The following PCDH15 variants were observed in gnomAD, a reference collection of about 807,000 sequenced individuals.
PCDH15 encodes the protein protocadherin related 15.
Under a neutral mutation model 178.5 loss-of-function variants are expected in PCDH15, and 129 were observed. The ratio of observed to expected loss-of-function variants is 0.72; its 90% confidence interval spans 0.63 to 0.84. The LOEUF (loss-of-function observed/expected upper bound fraction) is 0.84. Among genes scored for constraint, PCDH15 ranks in the 40% least tolerant of loss-of-function variants. The pLI is 0.00. For synonymous variants in PCDH15, 800 were observed against 732.0 expected (o/e 1.09, Z -1.50); for missense variants, 2,230 against 2,099.9 (o/e 1.06, Z -1.21).
At chr10:54,204,900 G>A (rs1330716672) in intron 10 of PCDH15, among the ~76,000 whole-genome samples, 1 of 152,112 alleles carries the variant, frequency 6.6e-6, no homozygotes, top group Non-Finnish European at 1.5e-5. Flanking sequence ...CTTCTTATCT[G>A]CTGCCTTAAA....
intron 1 of PCDH15, among the ~76,000 whole-genome samples, chr10:55,270,108 C>T (rs985509843): frequency 9.9e-5 from 15 of 152,040 alleles, no homozygotes; most frequent in Admixed American, 7.9e-4. Context: ...TGACCCCTTA[C>T]CTTTTACCAT....
intron 2 of PCDH15, among the ~76,000 whole-genome samples, chr10:54,594,925 G>A (rs2133984155): frequency 6.6e-6 from 1 of 152,196 alleles, no homozygotes; most frequent in Middle Eastern, 3.4e-3. Flanking sequence ...ATCCCTGAGA[G>A]GTCACTGCTG....
intron 3 of PCDH15, among the ~76,000 whole-genome samples, chr10:54,838,956 G>A (rs897164074): frequency 3.3e-5 from 5 of 152,066 alleles, no homozygotes; most frequent in Non-Finnish European, 7.4e-5. Context: ...CTACACAGAG[G>A]CCCTGTGACT....
intron 2 of PCDH15, among the ~76,000 whole-genome samples, chr10:55,159,384 TATATAC>T (rs1564849038): frequency 7.9e-3 from 59 of 7,448 alleles, no homozygotes; most frequent in Non-Finnish European, 0.026. Flanking sequence ...TATATATATA[TATATAC>T]ACACATACAC....
At chr10:55,527,609 T>C (rs1841329425) in intron 2 of PCDH15, among the ~76,000 whole-genome samples, 1 of 151,918 alleles carries the variant, frequency 6.6e-6, no homozygotes, top group South Asian at 2.1e-4. Flanking sequence ...AATAATAATA[T>C]GAAAGTATGA....
chr10:55,492,216 AG>A (rs1192847719), intron 2 of PCDH15, among the ~76,000 whole-genome samples: 1 of 151,756 alleles, frequency 6.6e-6, no homozygotes, highest in Non-Finnish European at 1.5e-5. Context: ...TTGACCATAC[AG>A]CAAAAAAAAA....
At chr10:55,496,681 T>C (rs961963996) in intron 2 of PCDH15, among the ~76,000 whole-genome samples, 5 of 151,806 alleles carry the variant, frequency 3.3e-5, no homozygotes, top group Admixed American at 6.6e-5. Flanking sequence ...TAGGAAAATA[T>C]AGACAGAAGT....
intron 23 of PCDH15, among the ~76,000 whole-genome samples, chr10:53,948,492 T>C (rs374940229): frequency 9.0e-4 from 137 of 152,298 alleles, no homozygotes; most frequent in African/African-American, 3.2e-3. Flanking sequence ...CATTACTTAA[T>C]GGCATAAAAT....
intron 3 of PCDH15, among the ~76,000 whole-genome samples, chr10:54,859,622 C>T (rs1467074684): frequency 6.6e-6 from 1 of 151,866 alleles, no homozygotes; most frequent in Admixed American, 6.6e-5. Flanking sequence ...TATAGAGAAA[C>T]CAACATTTAT....
At chr10:55,251,393 C>T (rs751830046) in intron 1 of PCDH15, among the ~76,000 whole-genome samples, 10 of 152,074 alleles carry the variant, frequency 6.6e-5, no homozygotes, top group Admixed American at 2.0e-4. Flanking sequence ...CCATGTCAAA[C>T]AGTAATCTGG....
intron 3 of PCDH15, among the ~76,000 whole-genome samples, chr10:54,525,020 GCAC>G (rs1227641834): frequency 6.6e-6 from 1 of 152,084 alleles, no homozygotes; most frequent in Non-Finnish European, 1.5e-5. Flanking sequence ...ATGTATAAAT[GCAC>G]TTGACATATA....
At chr10:54,638,707 T>G (rs933470138) in intron 2 of PCDH15, among the ~76,000 whole-genome samples, 89 of 152,080 alleles carry the variant, frequency 5.9e-4, no homozygotes, top group African/African-American at 2.1e-3. Context: ...GAAAAAGAAA[T>G]CATTATATAA....
intron 27 of PCDH15, among the ~76,000 whole-genome samples, chr10:53,864,709 G>T (rs2079328305): frequency 6.6e-6 from 1 of 151,978 alleles, no homozygotes; most frequent in South Asian, 2.1e-4. Flanking sequence ...CCTGCTTTCC[G>T]AGGTTGCAGT....
At position 54,371,607 on chromosome 10, in the gene PCDH15, GCTTCT is replaced by G. The variant is rs541847812; in HGVS notation, c.319-2337_319-2333del. 5.3e-5 allele frequency among the ~76,000 whole-genome samples: 8 copies of G among 151,804 alleles called. No homozygotes were observed. In the South Asian group the frequency reaches 1.2e-3, roughly 24 times the overall value. On this transcript the variant is annotated intron_variant, in intron 4 of 37. Coordinates refer to ENST00000644397, the MANE Select transcript of PCDH15 (RefSeq NM_001384140.1). ...AGCATGTTTTCACCATAAGTAGAGG[GCTTCT>G]CTTAATCCAAATTTGCACCAAATAA...
At chr10:54,244,162 C>T (rs1013860010) in intron 8 of PCDH15, among the ~76,000 whole-genome samples, 3 of 151,936 alleles carry the variant, frequency 2.0e-5, no homozygotes, top group Admixed American at 1.3e-4. Context: ...AATTTTATGA[C>T]CCCTCCAATA....
At chr10:54,910,782 G>A (rs1298353966) in intron 2 of PCDH15, among the ~76,000 whole-genome samples, 6 of 152,064 alleles carry the variant, frequency 3.9e-5, no homozygotes, top group Non-Finnish European at 8.8e-5. Context: ...ACTATTTGTT[G>A]AATAAATAAA....
At chr10:54,021,782 A>C (rs1182451502) in intron 19 of PCDH15, among the ~76,000 whole-genome samples, 1 of 152,000 alleles carries the variant, frequency 6.6e-6, no homozygotes, top group Non-Finnish European at 1.5e-5. Flanking sequence ...AACCAGCCTG[A>C]AAACTCGAAG....
At chr10:54,615,417 G>T (rs2093105587) in intron 2 of PCDH15, among the ~76,000 whole-genome samples, 1 of 152,028 alleles carries the variant, frequency 6.6e-6, no homozygotes, top group African/African-American at 2.4e-5. Context: ...GAAGATTCAA[G>T]AGTTAATCCA....
At chr10:54,133,733 A>G (rs752300442) in intron 14 of PCDH15, among the ~76,000 whole-genome samples, 1 of 152,170 alleles carries the variant, frequency 6.6e-6, no homozygotes, top group African/African-American at 2.4e-5. Context: ...GTTTTATAAA[A>G]CAAAAACTGA....
Sources: gnomAD v4.1 joint callset for allele counts (sites outside exome capture counted in the v4.1 genomes callset) on GRCh38, gnomAD v4.1.1 for gene constraint, MANE v1.5 for transcripts, NCBI Gene and HGNC (gene_info 2026-07-23, HGNC 2026-07-21) for gene names.